ADD2: variants seen among roughly 807,000 people sequenced by gnomAD.
ADD2 encodes the protein adducin 2, also known as beta-adducin.
A neutral mutation model predicts 83.0 loss-of-function variants in ADD2; 23 were observed. The ratio of observed to expected loss-of-function variants is 0.28; its 90% CI spans 0.20 to 0.39. The LOEUF (loss-of-function observed/expected upper bound fraction) is 0.39, where lower values mean the gene tolerates loss of function less well. Ranked by LOEUF, ADD2 falls within the 10% of genes least tolerant of loss-of-function variation. The pLI is 1.00. For missense variants in ADD2, 758 were observed against 944.9 expected (o/e 0.80, Z 2.59); for synonymous variants, 375 against 375.4 (o/e 1.00, Z 0.01).
rs566220556 is a variant in ADD2 at position 70,697,463 on chromosome 2, T to A, written c.323-1067A>T. On this transcript the variant is annotated intron_variant, in intron 4 of 15. Coordinates refer to ENST00000264436, the MANE Select transcript of ADD2 (RefSeq NM_001617.4). ...TTAACCATGATGACCACTGCCTACA[T>A]GCCTCAGGAAGGGAGCAGAGGGCAT... Among the ~76,000 whole-genome samples, 5 of 152,316 alleles carry A rather than the reference T, an allele frequency of 3.3e-5. 1 individual carries two copies. The highest frequency in any genetic ancestry group is 1.2e-4 in the African/African-American group (5 of 41,572).
rs1675421607 is a variant in ADD2 at position 70,658,061 on chromosome 2, A to T, written c.*5364T>A. On this transcript the variant is annotated 3_prime_UTR_variant, in exon 16 of 16. Transcript: ENST00000264436. ...ATATAGCCAAACCTAATATCACCTAAGTATGAACCAATGCGACCCATTGTT... is the reference window on the plus strand; with the variant it reads ...ATATAGCCAAACCTAATATCACCTATGTATGAACCAATGCGACCCATTGTT... 6.6e-6 allele frequency: 1 copy of T among 152,218 alleles called. No individual in the cohort carries two copies. The highest frequency in any genetic ancestry group is 2.4e-5 in the African/African-American group (1 of 41,448). 9.4% of individuals were successfully genotyped at this position (152,218 alleles called of 1,614,324 possible). A position where few individuals can be genotyped will look rare whatever the true frequency, so the allele number is the denominator to read the frequency against.
chr2:70,668,068 A>C (rs1669727366), intron 15 of ADD2, among the ~76,000 whole-genome samples: 1 of 152,096 alleles, frequency 6.6e-6, no homozygotes, highest in Non-Finnish European at 1.5e-5. Context: ...CGCGACACCC[A>C]TCTTCTCCTG....
rs1207131375 is a variant in ADD2, at chr2:70,767,896, G to C, written c.-164C>G. ...TCCCCAGACCCTTACCTCCTGCGCG[G>C]CATCTTAGCTATCTCCGGTCGGCCA... On this transcript the variant is annotated 5_prime_UTR_variant, in exon 1 of 16. Coordinates refer to ENST00000264436, the MANE Select transcript of ADD2 (RefSeq NM_001617.4). The C allele has an allele frequency of 3.3e-6, 5 of 1,535,888 alleles. No individual in the cohort carries two copies. The East Asian group carries it at 1.2e-4, about 38-fold the overall frequency.
At chr2:70,743,802 T>C (rs1024803687) in intron 1 of ADD2, among the ~76,000 whole-genome samples, 2 of 152,130 alleles carry the variant, frequency 1.3e-5, no homozygotes, top group African/African-American at 2.4e-5. Flanking sequence ...CTGTGGTAGA[T>C]CAGAGCATAC....
intron 1 of ADD2, among the ~76,000 whole-genome samples, chr2:70,738,819 T>G (rs1673720715): frequency 6.6e-6 from 1 of 152,036 alleles, no homozygotes; most frequent in Non-Finnish European, 1.5e-5. Flanking sequence ...TTACTTAAAA[T>G]AATTAGCTGA....
At chr2:70,746,478 C>T (rs1674203704) in intron 1 of ADD2, among the ~76,000 whole-genome samples, 1 of 152,176 alleles carries the variant, frequency 6.6e-6, no homozygotes, top group South Asian at 2.1e-4. Flanking sequence ...ACCCTTTAGT[C>T]CCCACAATAA....
At chr2:70,692,326 T>C in intron 7 of ADD2, 77 bp downstream of exon 7, 2 of 1,422,150 alleles carry the variant, frequency 1.4e-6, no homozygotes, top group Non-Finnish European at 1.9e-6. Flanking sequence ...CTTTCCAGAC[T>C]GTTTTAAGTG....
intron 1 of ADD2, among the ~76,000 whole-genome samples, chr2:70,742,572 T>C (rs913305225): frequency 1.2e-4 from 19 of 152,164 alleles, no homozygotes; most frequent in Non-Finnish European, 2.2e-4. Context: ...GAGCTCAAGG[T>C]GAAACATCAA....
At chr2:70,762,592 ATATATAAT>A (rs1675172757) in intron 1 of ADD2, among the ~76,000 whole-genome samples, 1 of 150,300 alleles carries the variant, frequency 6.7e-6, no homozygotes, top group African/African-American at 2.4e-5. Context: ...ACATGTTTAT[ATATATAAT>A]TACATAATTA....
intron 1 of ADD2, among the ~76,000 whole-genome samples, chr2:70,753,810 G>C (rs11896752): frequency 0.11 from 17,224 of 152,136 alleles, 2,509 homozygotes; most frequent in African/African-American, 0.34. Flanking sequence ...ATCTGAAAAA[G>C]CCTACGCTCT....
intron 1 of ADD2, among the ~76,000 whole-genome samples, chr2:70,753,236 G>T (rs537515111): frequency 6.6e-6 from 1 of 152,276 alleles, no homozygotes; most frequent in African/African-American, 2.4e-5. Context: ...GCTGCTGACA[G>T]GTCAAGTAAG....
intron 15 of ADD2, among the ~76,000 whole-genome samples, chr2:70,667,743 C>T (rs957917074): frequency 1.3e-5 from 2 of 152,018 alleles, no homozygotes; most frequent in African/African-American, 2.4e-5. Flanking sequence ...CTCAGCCTCC[C>T]GAGTAGCTGG....
rs1424525049 is a variant in ADD2, at chr2:70,658,072, A to G, written c.*5353T>C. On this transcript the variant is annotated 3_prime_UTR_variant, in exon 16 of 16. Coordinates refer to ENST00000264436, the MANE Select transcript of ADD2 (RefSeq NM_001617.4). Reference sequence around the variant, plus strand: ...CCTAATATCACCTAAGTATGAACCAATGCGACCCATTGTTTCTGTATACAT... The same window carrying G: ...CCTAATATCACCTAAGTATGAACCAGTGCGACCCATTGTTTCTGTATACAT... The G allele has an allele frequency of 6.6e-6, 1 of 152,182 alleles. No homozygotes were observed. The highest frequency in any genetic ancestry group is 1.5e-5 in the Non-Finnish European group (1 of 68,026). 9.4% of individuals were successfully genotyped at this position (152,182 alleles called of 1,614,324 possible).
Position 70,676,780 on chromosome 2 carries a change from G to A in ADD2, c.1593+16C>T. ...AAACACGTTTCCCCGCCAGTCAGGG[G>A]CAGCCTCTGCTCTACCGGGCTTCGG... On this transcript the variant is annotated intron_variant, in intron 13 of 15. Coordinates refer to ENST00000264436, the MANE Select transcript of ADD2 (RefSeq NM_001617.4). This position sits in a 1 kb window ranked among gnomAD's most constrained non-coding sequence, Gnocchi z 4.8. 2 of 1,614,172 alleles carry A rather than the reference G, an allele frequency of 1.2e-6. No individual in the cohort carries two copies. Among genetic ancestry groups the A allele is most frequent in the South Asian group, 1.1e-5 (1 of 91,088 alleles).
In ADD2 at chr2:70,700,463, A is replaced by T. The variant is rs1671534501; in HGVS notation, c.322+3858T>A. ...ATAAGGCCAAACATATACTCATAGA[A>T]AAAAATTTATAGCCTTAAATGTCTT... On this transcript the variant is annotated intron_variant, in intron 4 of 15. Transcript: ENST00000264436. Among the ~76,000 whole-genome samples the T allele has an allele frequency of 2.6e-5, 4 of 151,942 alleles. No homozygotes were observed. The South Asian group carries it at 8.3e-4, about 32-fold the overall frequency.
At chr2:70,723,188 C>A (rs1553377673) in intron 1 of ADD2, among the ~76,000 whole-genome samples, 1 of 152,150 alleles carries the variant, frequency 6.6e-6, no homozygotes, top group Non-Finnish European at 1.5e-5. Flanking sequence ...AATTATGTGA[C>A]CTTGAACAAG....
intron 1 of ADD2, among the ~76,000 whole-genome samples, chr2:70,751,161 T>A (rs1227419299): frequency 6.6e-6 from 1 of 152,208 alleles, no homozygotes; most frequent in Non-Finnish European, 1.5e-5. Context: ...ATTTCTATAA[T>A]GAAGAGGTTG....
intron 1 of ADD2, among the ~76,000 whole-genome samples, chr2:70,766,940 T>G (rs1248111601): frequency 1.3e-5 from 2 of 152,216 alleles, no homozygotes; most frequent in African/African-American, 4.8e-5. Context: ...GGGCTGGAGC[T>G]TGCTTTTTTA....
rs190556415 is a variant in ADD2, at chr2:70,741,956, A to G, written c.-154+25930T>C. Among the ~76,000 whole-genome samples, 166 of 152,308 alleles carry G rather than the reference A, an allele frequency of 1.1e-3. 1 individual carries two copies. The highest frequency in any genetic ancestry group is 1.6e-3 in the Admixed American group (25 of 15,302). On this transcript the variant is annotated intron_variant, in intron 1 of 15. Coordinates refer to ENST00000264436, the MANE Select transcript of ADD2 (RefSeq NM_001617.4). Reference sequence around the variant, plus strand: ...AACCAATTTTGACATTTCTCTAATCAATAATAAAATGAAGATGTTGGACTG... The same window carrying G: ...AACCAATTTTGACATTTCTCTAATCGATAATAAAATGAAGATGTTGGACTG...
Sources: allele counts gnomAD v4.1 joint callset (sites outside exome capture counted in the v4.1 genomes callset), GRCh38; gene constraint gnomAD v4.1.1; non-coding constraint Gnocchi (gnomAD v3.1); transcripts MANE v1.5; gene names NCBI Gene and HGNC (gene_info 2026-07-23, HGNC 2026-07-21).